Variants in HMOX2 observed in about 807,000 individuals in gnomAD.
HMOX2 encodes heme oxygenase (decycling) 2.
HMOX2 carries 30 observed loss-of-function variants against 33.7 expected under a neutral mutation model. The observed-to-expected ratio is 0.89, with a 90% CI of 0.67 to 1.21. HMOX2 has a LOEUF of 1.21. Among genes scored for constraint, HMOX2 ranks in the 50% most tolerant of loss-of-function variants. The pLI is 0.00. For synonymous variants in HMOX2, 155 were observed against 155.0 expected, an observed-to-expected ratio of 1.00 and a Z score of 0.00; for missense variants, 403 against 399.1, an observed-to-expected ratio of 1.01 and a Z score of -0.08.
intron 1 of HMOX2, among the ~76,000 whole-genome samples, chr16:4,497,419 G>T (rs996499187): frequency 2.0e-5 from 3 of 152,104 alleles, no homozygotes; most frequent in African/African-American, 7.2e-5. Flanking sequence ...TCCCGCTCCT[G>T]GTGCTGCTTA....
At chr16:4,475,225 G>A (rs1368437096), upstream of HMOX2, among the ~76,000 whole-genome samples, 1 of 151,450 alleles carries the variant, frequency 6.6e-6, no homozygotes, top group East Asian at 2.0e-4. Context: ...AGTGCTGGGA[G>A]TACAGGTGGG....
At chr16:4,500,667 A>G (rs1303883358) in intron 1 of HMOX2, among the ~76,000 whole-genome samples, 1 of 152,174 alleles carries the variant, frequency 6.6e-6, no homozygotes, top group Non-Finnish European at 1.5e-5. Flanking sequence ...GTAGCAATGC[A>G]CTGAGTTACC....
At chr16:4,506,377 C>T (rs531062312) in intron 2 of HMOX2, among the ~76,000 whole-genome samples, 14 of 152,312 alleles carry the variant, frequency 9.2e-5, no homozygotes, top group Admixed American at 7.8e-4. Flanking sequence ...TTGCATCCTT[C>T]CGTGCTTGGT....
chr16:4,504,856 T>A (rs2058651506), intron 1 of HMOX2, among the ~76,000 whole-genome samples: 1 of 151,446 alleles, frequency 6.6e-6, no homozygotes, highest in Non-Finnish European at 1.5e-5. Flanking sequence ...TGCCCGGCTA[T>A]TTTTTGTATT....
chr16:4,478,183 C>T (rs961294179), intron 1 of HMOX2, among the ~76,000 whole-genome samples: 1 of 152,100 alleles, frequency 6.6e-6, no homozygotes, highest in Non-Finnish European at 1.5e-5. Context: ...TTGGCTGTGG[C>T]AACATGTTGA....
chr16:4,501,739 ATGTAGCTTTTCAGAAAG>A (rs145864130), intron 1 of HMOX2, among the ~76,000 whole-genome samples: 5,173 of 152,272 alleles, frequency 0.034, 308 homozygotes, highest in African/African-American at 0.12. Flanking sequence ...AAGTCTGGAC[ATGTAGCTTTTCAGAAAG>A]TGAAAAAAAA....
intron 1 of HMOX2, among the ~76,000 whole-genome samples, chr16:4,494,071 C>T (rs1414532061): frequency 6.6e-6 from 1 of 152,068 alleles, no homozygotes; most frequent in Non-Finnish European, 1.5e-5. Context: ...AATCCCAGCA[C>T]TTTGGGAGGC....
In HMOX2 at chr16:4,506,942, A is replaced by G; in HGVS notation, c.134A>G (p.His45Arg). 6.2e-7 allele frequency: 1 copy of G among 1,614,174 alleles called. No homozygotes were observed. The highest frequency in any genetic ancestry group is 8.5e-7 in the Non-Finnish European group (1 of 1,180,014). The change falls in exon 3 of 6, where the codon CAC (histidine) becomes CGC (arginine). Residue 45 changes from histidine (H) to arginine (R), a missense_variant. Physicochemically the swap from His to Arg is conservative, Grantham distance 29. Coordinates refer to ENST00000570646, the MANE Select transcript of HMOX2 (RefSeq NM_002134.4). ...ELLKEGTKEA[H>R]DRAENTQFVK... ...CTGAAGGAAGGGACCAAGGAAGCACACGACCGGGCAGAAAACACCCAGTTT... is the reference window on the plus strand; with the variant it reads ...CTGAAGGAAGGGACCAAGGAAGCACGCGACCGGGCAGAAAACACCCAGTTT...
upstream of HMOX2, among the ~76,000 whole-genome samples, chr16:4,475,417 C>T (rs2141482865): frequency 6.6e-6 from 1 of 152,010 alleles, no homozygotes; most frequent in Non-Finnish European, 1.5e-5. Context: ...AAGTGATTCT[C>T]CTGCCTCAGT....
intron 1 of HMOX2, among the ~76,000 whole-genome samples, chr16:4,489,651 G>A (rs552306417): frequency 6.6e-6 from 1 of 152,068 alleles, no homozygotes; most frequent in East Asian, 1.9e-4. Flanking sequence ...TAGAGATGGG[G>A]TTTCACCATG....
intron 1 of HMOX2, among the ~76,000 whole-genome samples, chr16:4,484,363 G>C (rs1486189412): frequency 6.6e-6 from 1 of 151,950 alleles, no homozygotes; most frequent in African/African-American, 2.4e-5. Flanking sequence ...GAGGCCATTT[G>C]AGAAGTATAT....
intron 1 of HMOX2, among the ~76,000 whole-genome samples, chr16:4,498,391 T>TTC (rs1431019577): frequency 1.3e-5 from 2 of 151,736 alleles, no homozygotes; most frequent in African/African-American, 4.8e-5. Context: ...TTGCTCTTTT[T>TTC]TTTTTTTTGC....
intron 1 of HMOX2, among the ~76,000 whole-genome samples, chr16:4,503,929 G>C (rs2058622432): frequency 6.6e-6 from 1 of 152,216 alleles, no homozygotes; most frequent in African/African-American, 2.4e-5. Flanking sequence ...TTTGGCCCCA[G>C]TTCTGTCTTT....
chr16:4,508,092 C>T lies in HMOX2; in HGVS notation c.584C>T (p.Ala195Val), dbSNP rs765128900. ...TACCTGTTTGAGAATGTGGACAATG[C>T]CCAGCAGTTCAAGCAGCTCTACCGG... The part of the protein sequence containing the change: ...QFYLFENVDN[A>V]QQFKQLYRAR... Residue 195 changes from alanine to valine, a missense_variant, in exon 4 of 6, where the codon GCC becomes GTC. By Grantham distance (64) the Ala-to-Val change is moderately conservative. Coordinates refer to ENST00000570646, the MANE Select transcript of HMOX2 (RefSeq NM_002134.4). 14 of 1,613,998 alleles carry T rather than the reference C, an allele frequency of 8.7e-6. No homozygotes were observed. The highest frequency in any genetic ancestry group is 1.6e-4 in the Middle Eastern group (1 of 6,084).
chr16:4,484,433 C>G (rs1415831298), intron 1 of HMOX2, among the ~76,000 whole-genome samples: 1 of 151,252 alleles, frequency 6.6e-6, no homozygotes. Flanking sequence ...GTACCAAGAT[C>G]CAGGATGCTC....
At chr16:4,498,991 T>C (rs9302781) in intron 1 of HMOX2, among the ~76,000 whole-genome samples, 4,566 of 152,318 alleles carry the variant, frequency 0.03, 233 homozygotes, top group African/African-American at 0.1. Context: ...AATGTGGGTA[T>C]TCTAGCCTCC....
At chr16:4,479,724 C>CTTTTTTT (rs1567377353) in intron 1 of HMOX2, among the ~76,000 whole-genome samples, 2 of 93,892 alleles carry the variant, frequency 2.1e-5, no homozygotes, top group East Asian at 3.0e-4. Context: ...TTTTCTTATT[C>CTTTTTTT]TATTTTTTTT....
chr16:4,509,890 G>A lies in HMOX2; in HGVS notation c.*134G>A. The A allele has an allele frequency of 1.0e-6, 1 of 967,332 alleles. No homozygotes were observed. Among genetic ancestry groups the A allele is most frequent in the Non-Finnish European group, 1.5e-6 (1 of 660,964 alleles). The allele number at this position is 967,332 out of a possible 1,614,324, so 59.9% of individuals were successfully genotyped here. A position where few individuals can be genotyped will look rare whatever the true frequency, so the allele number is the denominator to read the frequency against. On this transcript the variant is annotated 3_prime_UTR_variant, in exon 6 of 6. Transcript: ENST00000570646. ...GGTTTAAGAAAGGCAACCAATAAAA[G>A]CCAGATGCTAGAGCCTCTGCCTGAC... is the stretch of plus-strand genomic sequence containing the variant.
chr16:4,480,433 C>G (rs1170035853), intron 1 of HMOX2, among the ~76,000 whole-genome samples: 1 of 151,262 alleles, frequency 6.6e-6, no homozygotes, highest in African/African-American at 2.4e-5. Flanking sequence ...CAACCTCTGC[C>G]TCCTGGGTTC....
Sources: gnomAD v4.1 joint callset for allele counts (sites outside exome capture counted in the v4.1 genomes callset) on GRCh38, gnomAD v4.1.1 for gene constraint, MANE v1.5 for transcripts, NCBI Gene and HGNC (gene_info 2026-07-23, HGNC 2026-07-21) for gene names.